Variants in PPARGC1A observed in about 807,000 individuals in gnomAD.
PPARGC1A encodes the protein PPARG coactivator 1 alpha.
PPARGC1A carries 25 observed loss-of-function variants against 88.7 expected under a neutral mutation model. The ratio of observed to expected loss-of-function variants is 0.28; its 90% CI spans 0.21 to 0.39. The LOEUF (loss-of-function observed/expected upper bound fraction) is 0.39. PPARGC1A is among the 10% of genes least tolerant of loss of function. The pLI, the probability that PPARGC1A is intolerant of heterozygous loss-of-function variation, is 1.00. For missense variants in PPARGC1A, 880 were observed against 968.7 expected, an observed-to-expected ratio of 0.91 and a Z score of 1.22; for synonymous variants, 363 against 355.6, an observed-to-expected ratio of 1.02 and a Z score of -0.24.
At chr4:24,229,152 C>CTTTTTTTT in the PPARGC1A span, among the ~76,000 whole-genome samples, 41 of 60,910 alleles carry the variant, frequency 6.7e-4, 5 homozygotes, top group South Asian at 8.8e-4. Context: ...GTATCTGGAC[C>CTTTTTTTT]TTTTTTTTTT....
the PPARGC1A span, among the ~76,000 whole-genome samples, chr4:24,359,127 A>G: frequency 6.6e-6 from 1 of 152,188 alleles, no homozygotes; most frequent in East Asian, 1.9e-4. Context: ...GAGCCTCTCT[A>G]TGCCAGTGTC....
At chr4:23,849,298 GC>G (rs1234907765) in intron 2 of PPARGC1A, among the ~76,000 whole-genome samples, 1 of 152,104 alleles carries the variant, frequency 6.6e-6, no homozygotes, top group East Asian at 1.9e-4. Context: ...TGTTATGCTG[GC>G]AATAAAAGAA....
the PPARGC1A span, among the ~76,000 whole-genome samples, chr4:24,409,582 C>G: frequency 6.6e-6 from 1 of 152,288 alleles, no homozygotes; most frequent in Non-Finnish European, 1.5e-5. Context: ...AATATTATAT[C>G]ACTATAGATC....
the PPARGC1A span, among the ~76,000 whole-genome samples, chr4:24,453,799 G>A: frequency 1.5e-3 from 221 of 151,088 alleles, 1 homozygote; most frequent in Non-Finnish European, 2.6e-3. Context: ...AAAAGTGGTC[G>A]CTAATTCCCT....
chr4:24,314,566 T>A, the PPARGC1A span, among the ~76,000 whole-genome samples: 1 of 152,208 alleles, frequency 6.6e-6, no homozygotes, highest in African/African-American at 2.4e-5. Flanking sequence ...TCAGATATTT[T>A]GTCATAGCAG....
chr4:23,834,441 A>C (rs1024220850), intron 2 of PPARGC1A, among the ~76,000 whole-genome samples: 2 of 151,962 alleles, frequency 1.3e-5, no homozygotes, highest in African/African-American at 2.4e-5. Flanking sequence ...GTGAGCCAAG[A>C]TCACGCCACT....
At chr4:23,931,598 A>G in the PPARGC1A span, among the ~76,000 whole-genome samples, 2 of 152,314 alleles carry the variant, frequency 1.3e-5, no homozygotes, top group South Asian at 4.1e-4. Context: ...AGGAAGCAAG[A>G]ATCCAATGTC....
chr4:24,394,317 A>C, the PPARGC1A span, among the ~76,000 whole-genome samples: 1 of 152,168 alleles, frequency 6.6e-6, no homozygotes, highest in Non-Finnish European at 1.5e-5. Context: ...AAACCATGAG[A>C]TCCAAGGAGC....
chr4:24,241,080 C>A, the PPARGC1A span, among the ~76,000 whole-genome samples: 1 of 152,212 alleles, frequency 6.6e-6, no homozygotes, highest in African/African-American at 2.4e-5. Flanking sequence ...TTTGCTAACA[C>A]AATTCACCCA....
chr4:23,842,741 G>T (rs1452302421), intron 2 of PPARGC1A, among the ~76,000 whole-genome samples: 1 of 152,112 alleles, frequency 6.6e-6, no homozygotes, highest in Non-Finnish European at 1.5e-5. Flanking sequence ...GAGAACAACT[G>T]CCCTGGGAGG....
Position 23,801,042 on chromosome 4 carries a change from A to T in PPARGC1A, c.2293+688T>A, listed in dbSNP as rs934561323. On this transcript the variant is annotated intron_variant, in intron 12 of 12. Transcript: ENST00000264867. ...TTTAATTTTCTTCTCTCTTAGTTGT[A>T]GTTCATAGAAAATGATGATATTTCT... Among the ~76,000 whole-genome samples, 8 of 150,556 alleles carry T rather than the reference A, an allele frequency of 5.3e-5. No homozygotes were observed. The South Asian group carries it at 8.4e-4, about 16-fold the overall frequency.
At chr4:24,158,190 C>A in the PPARGC1A span, among the ~76,000 whole-genome samples, 1 of 152,136 alleles carries the variant, frequency 6.6e-6, no homozygotes, top group East Asian at 1.9e-4. Flanking sequence ...TCCCTCCCCT[C>A]CCATCATTCA....
the PPARGC1A span, among the ~76,000 whole-genome samples, chr4:24,052,380 T>C: frequency 6.6e-6 from 1 of 152,176 alleles, no homozygotes; most frequent in Admixed American, 6.5e-5. Flanking sequence ...TTCACACCTG[T>C]AATCCCAGCA....
chr4:24,192,567 T>C, the PPARGC1A span, among the ~76,000 whole-genome samples: 3 of 152,192 alleles, frequency 2.0e-5, no homozygotes, highest in African/African-American at 7.2e-5. Context: ...AAGGACAGCA[T>C]TGTAAGTCTG....
chr4:23,863,712 A>G (rs1016070876), intron 2 of PPARGC1A, among the ~76,000 whole-genome samples: 2 of 152,172 alleles, frequency 1.3e-5, no homozygotes, highest in African/African-American at 4.8e-5. Flanking sequence ...CTCTCCGTCC[A>G]TGGAAATCTC....
At chr4:24,412,551 G>T in the PPARGC1A span, among the ~76,000 whole-genome samples, 71 of 152,196 alleles carry the variant, frequency 4.7e-4, 1 homozygote, top group Middle Eastern at 3.4e-3. Flanking sequence ...CTCAATCTCC[G>T]CTCACTGCAA....
chr4:24,154,528 C>A, the PPARGC1A span, among the ~76,000 whole-genome samples: 1 of 152,194 alleles, frequency 6.6e-6, no homozygotes, highest in Non-Finnish European at 1.5e-5. Flanking sequence ...CACTTGACTA[C>A]AACTCAAAAT....
chr4:24,262,932 A>G, the PPARGC1A span, among the ~76,000 whole-genome samples: 3 of 152,202 alleles, frequency 2.0e-5, no homozygotes, highest in South Asian at 6.2e-4. Context: ...AGACGGCTCC[A>G]TGCACATTAA....
At chr4:24,081,703 C>T in the PPARGC1A span, among the ~76,000 whole-genome samples, 2 of 151,720 alleles carry the variant, frequency 1.3e-5, no homozygotes, top group Non-Finnish European at 2.9e-5. Context: ...AGGAAGGGGA[C>T]AATTGATTCG....
Sources: gnomAD v4.1 joint callset for allele counts (sites outside exome capture counted in the v4.1 genomes callset) on GRCh38, gnomAD v4.1.1 for gene constraint, MANE v1.5 for transcripts, NCBI Gene and HGNC (gene_info 2026-07-23, HGNC 2026-07-21) for gene names.